BTD: variants seen among roughly 807,000 people sequenced by gnomAD.
BTD encodes biotinidase.
A neutral mutation model predicts 17.7 loss-of-function variants in BTD; 13 were observed. The observed-to-expected ratio is 0.74, with a 90% CI of 0.48 to 1.17. The LOEUF is 1.17. Among genes scored for constraint, BTD ranks in the 50% most tolerant of loss-of-function variants. The probability of loss-of-function intolerance (pLI) is 0.00; values close to 1 mark genes in which losing one functional copy is unlikely to be tolerated. For missense variants in BTD, 674 were observed against 650.4 expected, an observed-to-expected ratio of 1.04 and a Z score of -0.39; for synonymous variants, 240 against 245.2, an observed-to-expected ratio of 0.98 and a Z score of 0.20.
chr3:15,699,624 A>G (rs542861618), intron 3 of BTD, among the ~76,000 whole-genome samples: 73 of 152,162 alleles, frequency 4.8e-4, no homozygotes, highest in African/African-American at 1.7e-3. Flanking sequence ...GCCAATAGAC[A>G]TACAAAAAAA....
chr3:15,709,550 A>T, intron 3 of BTD: 1 of 595,290 alleles, frequency 1.7e-6, no homozygotes, highest in Non-Finnish European at 2.8e-6. Flanking sequence ...ACTCTCAATG[A>T]ATCATGATCA....
At chr3:15,696,009 T>C in intron 3 of BTD, 1 of 688,384 alleles carries the variant, frequency 1.5e-6, no homozygotes, top group South Asian at 1.7e-5. Flanking sequence ...TTAAGAGGTA[T>C]ATAAATTCTG....
At chr3:15,639,907 T>A (rs2065452204) in intron 2 of BTD, among the ~76,000 whole-genome samples, 2 of 152,102 alleles carry the variant, frequency 1.3e-5, no homozygotes, top group Non-Finnish European at 2.9e-5. Flanking sequence ...GTCAGGAGTT[T>A]GAGACCAGCC....
intron 4 of BTD, among the ~76,000 whole-genome samples, chr3:15,718,417 AAATT>A (rs1456891492): frequency 6.6e-6 from 1 of 152,164 alleles, no homozygotes; most frequent in Non-Finnish European, 1.5e-5. Flanking sequence ...TGAGTTTTCT[AAATT>A]ATTAAGGAGG....
chr3:15,642,548 G>A (rs533985239), intron 3 of BTD, among the ~76,000 whole-genome samples: 1 of 149,492 alleles, frequency 6.7e-6, no homozygotes, highest in South Asian at 2.1e-4. Context: ...TCTGCCTTCC[G>A]GGTTCATGCC....
intron 1 of BTD, among the ~76,000 whole-genome samples, chr3:15,616,026 C>T (rs999681662): frequency 1.3e-5 from 2 of 152,080 alleles, no homozygotes; most frequent in Non-Finnish European, 1.5e-5. Flanking sequence ...CTGAATGTAT[C>T]ACACTTTATT....
chr3:15,673,266 G>C (rs1381998948), intron 3 of BTD, among the ~76,000 whole-genome samples: 2 of 152,206 alleles, frequency 1.3e-5, no homozygotes, highest in African/African-American at 2.4e-5. Context: ...ACTATTTTAA[G>C]TGCATCGTTA....
At chr3:15,601,384 T>C (rs1304096562), upstream of BTD, 2 of 1,613,984 alleles carry the variant, frequency 1.2e-6, no homozygotes, top group East Asian at 2.2e-5. Context: ...CCATCGTACT[T>C]GCGTTTTCAG....
intron 3 of BTD, chr3:15,685,160 T>A: frequency 6.4e-7 from 1 of 1,562,446 alleles, no homozygotes; most frequent in Non-Finnish European, 8.8e-7. Flanking sequence ...ATTTGCCTTA[T>A]AAATATGTCA....
intron 3 of BTD, chr3:15,685,885 T>C: frequency 2.6e-6 from 2 of 758,220 alleles, no homozygotes; most frequent in Non-Finnish European, 4.2e-6. Context: ...CTGAAAGAAA[T>C]GGTAAAGACT....
intron 3 of BTD, among the ~76,000 whole-genome samples, chr3:15,687,121 T>C (rs1035713768): frequency 9.2e-5 from 14 of 151,886 alleles, no homozygotes; most frequent in African/African-American, 3.4e-4. Flanking sequence ...TTTTTTGTAT[T>C]TTTAGGAGAG....
chr3:15,668,806 C>G (rs1362294430), intron 3 of BTD: 1 of 152,564 alleles, frequency 6.6e-6, no homozygotes, highest in Non-Finnish European at 1.5e-5. Flanking sequence ...GAAAAACCAG[C>G]TGATAATTTA....
chr3:15,721,604 T>A (rs1302904008), intron 4 of BTD, among the ~76,000 whole-genome samples: 1 of 152,114 alleles, frequency 6.6e-6, no homozygotes, highest in Non-Finnish European at 1.5e-5. Flanking sequence ...TAAAAAAAAA[T>A]GAACGGCATG....
chr3:15,637,138 C>T (rs1170444886), intron 2 of BTD, among the ~76,000 whole-genome samples: 1 of 152,104 alleles, frequency 6.6e-6, no homozygotes, highest in Non-Finnish European at 1.5e-5. Context: ...TGTCATGATC[C>T]CCCTGGCATC....
Position 15,707,829 on chromosome 3 carries a change from A to G in BTD, c.400-2231A>G, listed in dbSNP as rs545658802. 2.8e-6 allele frequency: 4 copies of G among 1,437,458 alleles called. No homozygotes were observed. In the African/African-American group the frequency reaches 5.6e-5, roughly 20 times the overall value. The allele number at this position is 1,437,458 out of a possible 1,614,324, so 89.0% of individuals were successfully genotyped here. On this transcript the variant is annotated intron_variant, in intron 3 of 3. Coordinates refer to the BTD transcript ENST00000672141. Reference sequence around the variant, plus strand: ...GGCAAAGATAATCAACAAAAAATACAAAGAGGAAACACAAATTTGCAACAA... The same window carrying G: ...GGCAAAGATAATCAACAAAAAATACGAAGAGGAAACACAAATTTGCAACAA...
rs1040373041 is a variant in BTD, at chr3:15,635,126, A to C, written c.-16-298A>C. ...TAAGTGCACAGCTAGAAAAGTGGGT[A>C]GTGACGCACTACAGTCTTGCTGAAC... On this transcript the variant is annotated intron_variant, in intron 1 of 3. Transcript: ENST00000643237. This position sits in a 1 kb window ranked among gnomAD's most constrained non-coding sequence, Gnocchi z 4.1. Among the ~76,000 whole-genome samples, 3 of 152,246 alleles carry C rather than the reference A, an allele frequency of 2.0e-5. No homozygotes were observed. Among genetic ancestry groups the C allele is most frequent in the Non-Finnish European group, 2.9e-5 (2 of 68,042 alleles).
intron 1 of BTD, among the ~76,000 whole-genome samples, chr3:15,613,085 A>C (rs1015880117): frequency 6.6e-6 from 1 of 152,180 alleles, no homozygotes; most frequent in Non-Finnish European, 1.5e-5. Context: ...GATTAACTAG[A>C]TTAACTGGCT....
chr3:15,666,142 AG>A (rs1406163887), intron 3 of BTD, among the ~76,000 whole-genome samples: 2 of 152,238 alleles, frequency 1.3e-5, no homozygotes, highest in Non-Finnish European at 2.9e-5. Context: ...GGCACATAGC[AG>A]GTGTTCAATA....
chr3:15,602,920 G>T (rs1000925467), intron 1 of BTD, among the ~76,000 whole-genome samples: 1 of 152,194 alleles, frequency 6.6e-6, no homozygotes, highest in Non-Finnish European at 1.5e-5. Flanking sequence ...TGGTCTCACA[G>T]TTCCAAATGG....
Sources: allele counts gnomAD v4.1 joint callset (sites outside exome capture counted in the v4.1 genomes callset), GRCh38; gene constraint gnomAD v4.1.1; non-coding constraint Gnocchi (gnomAD v3.1); transcripts MANE v1.5; gene names NCBI Gene and HGNC (gene_info 2026-07-23, HGNC 2026-07-21).